The following LRBA variants were observed in gnomAD, a reference collection of about 807,000 sequenced individuals.
LRBA encodes LPS responsive beige-like anchor protein.
LRBA carries 176 observed loss-of-function variants against 330.0 expected under a neutral mutation model. The ratio of observed to expected loss-of-function variants is 0.53; its 90% confidence interval spans 0.47 to 0.60. The LOEUF (loss-of-function observed/expected upper bound fraction) is 0.60. LRBA is among the 20% of genes least tolerant of loss of function. LRBA has a pLI of 0.00. For missense variants in LRBA, 3,259 were observed against 3,444.8 expected, an observed-to-expected ratio of 0.95 and a Z score of 1.35; for synonymous variants, 1,230 against 1,193.0, an observed-to-expected ratio of 1.03 and a Z score of -0.64.
At chr4:150,325,197 G>A (rs970225245) in intron 49 of LRBA, among the ~76,000 whole-genome samples, 1 of 152,098 alleles carries the variant, frequency 6.6e-6, no homozygotes, top group Non-Finnish European at 1.5e-5. Flanking sequence ...AGAGAAGCCT[G>A]GCTACATCAG....
At chr4:150,781,100 C>T (rs979596522) in intron 34 of LRBA, among the ~76,000 whole-genome samples, 5 of 152,002 alleles carry the variant, frequency 3.3e-5, no homozygotes, top group Non-Finnish European at 7.4e-5. Flanking sequence ...AGGATGGTCT[C>T]GATCTCCTGA....
rs1042186932 is a variant in LRBA, at chr4:150,963,644, C to G, written c.217-34579G>C. The stretch of plus-strand genomic sequence containing the variant: ...GTGAGGAGCGTCTCTGCCTGGCCGC[C>G]CATCGTCTGGGATGCGAGGAGCCCC... On this transcript the variant is annotated intron_variant, in intron 2 of 56. Coordinates refer to ENST00000651943, the MANE Select transcript of LRBA (RefSeq NM_001364905.1). Among the ~76,000 whole-genome samples the G allele has an allele frequency of 5.4e-5, 8 of 149,160 alleles. 2 individuals are homozygous for G. Among genetic ancestry groups the G allele is most frequent in the African/African-American group, 2.1e-4 (8 of 38,588 alleles).
intron 5 of LRBA, among the ~76,000 whole-genome samples, chr4:150,919,981 G>C (rs1039463341): frequency 1.3e-5 from 2 of 148,646 alleles, no homozygotes; most frequent in Non-Finnish European, 3.0e-5. Flanking sequence ...GCTATGATAA[G>C]AAAGTAAAAT....
chr4:150,521,837 A>G (rs1453644863), intron 40 of LRBA, among the ~76,000 whole-genome samples: 1 of 152,228 alleles, frequency 6.6e-6, no homozygotes, highest in African/African-American at 2.4e-5. Context: ...TGATGTATCA[A>G]TCTCAATTAG....
intron 37 of LRBA, among the ~76,000 whole-genome samples, chr4:150,632,009 T>G (rs575615953): frequency 1.3e-5 from 2 of 152,170 alleles, no homozygotes; most frequent in South Asian, 4.1e-4. Context: ...GGCGGGTAGA[T>G]CATTTGAGGT....
chr4:150,803,792 T>G (rs1448078391), intron 33 of LRBA, among the ~76,000 whole-genome samples: 1 of 152,190 alleles, frequency 6.6e-6, no homozygotes, highest in African/African-American at 2.4e-5. Context: ...CTCAAATTTA[T>G]ACATGAGCAA....
At chr4:150,503,748 CTT>C in intron 40 of LRBA, among the ~76,000 whole-genome samples, 1 of 152,286 alleles carries the variant, frequency 6.6e-6, no homozygotes, top group East Asian at 1.9e-4. Flanking sequence ...CGGAGAATGA[CTT>C]TGACGAGTTG....
intron 37 of LRBA, among the ~76,000 whole-genome samples, chr4:150,622,391 T>G (rs1776381125): frequency 6.6e-6 from 1 of 152,158 alleles, no homozygotes; most frequent in South Asian, 2.1e-4. Flanking sequence ...TTATAAAAAG[T>G]AGCCACAATG....
At chr4:150,315,241 A>G (rs74459799) in intron 51 of LRBA, 4,542 of 386,828 alleles carry the variant, frequency 0.012, 37 homozygotes, top group Non-Finnish European at 0.016. Context: ...GCTCCTGCTC[A>G]TCAACAAGTC....
At chr4:150,996,526 G>A (rs1000423871) in intron 2 of LRBA, among the ~76,000 whole-genome samples, 2 of 152,070 alleles carry the variant, frequency 1.3e-5, no homozygotes, top group Non-Finnish European at 2.9e-5. Flanking sequence ...AAATTGACTG[G>A]TGGATATCTT....
chr4:150,357,461 G>A (rs1459418596), intron 47 of LRBA, among the ~76,000 whole-genome samples: 1 of 151,872 alleles, frequency 6.6e-6, no homozygotes, highest in Non-Finnish European at 1.5e-5. Flanking sequence ...ACAGAGAGAT[G>A]ATTTTTAAAA....
chr4:150,334,027 C>T (rs1413059040), intron 48 of LRBA, among the ~76,000 whole-genome samples: 1 of 152,022 alleles, frequency 6.6e-6, no homozygotes. Context: ...AACCAGACTC[C>T]CACTTAACCT....
intron 34 of LRBA, among the ~76,000 whole-genome samples, chr4:150,765,720 G>A (rs1735680663): frequency 6.6e-6 from 1 of 152,048 alleles, no homozygotes; most frequent in Admixed American, 6.5e-5. Context: ...GGATGAAATA[G>A]ATAACAGCAG....
At chr4:150,614,761 C>A (rs1344788540) in intron 37 of LRBA, among the ~76,000 whole-genome samples, 2 of 152,174 alleles carry the variant, frequency 1.3e-5, no homozygotes, top group Non-Finnish European at 2.9e-5. Flanking sequence ...CCAGAAAGGA[C>A]ATACATGTAA....
chr4:150,898,118 T>A (rs1036914928), intron 14 of LRBA, among the ~76,000 whole-genome samples: 1 of 152,062 alleles, frequency 6.6e-6, no homozygotes, highest in African/African-American at 2.4e-5. Flanking sequence ...AAATTTGTAT[T>A]CAATAATAAT....
chr4:150,898,531 T>C (rs575594019), intron 14 of LRBA, among the ~76,000 whole-genome samples: 1 of 152,170 alleles, frequency 6.6e-6, no homozygotes, highest in Non-Finnish European at 1.5e-5. Context: ...CCACCACTAA[T>C]CACTATTTAT....
Position 150,806,329 on chromosome 4 carries a change from A to G in LRBA, c.5460T>C (p.Pro1820=). 1 of 1,609,198 alleles carries G rather than the reference A, an allele frequency of 6.2e-7. No individual in the cohort carries two copies. Among genetic ancestry groups the G allele is most frequent in the East Asian group, 2.2e-5 (1 of 44,462 alleles). The stretch of plus-strand genomic sequence containing the variant: ...TACCCAAAAGTGTCCGAGAAAGAAA[A>G]GGTGCAAAATCCACAAAAATCTCAC... ...LLREIFVDFA[P]FLSRTLLGSH... is the part of the protein sequence containing the mutation. The change falls in exon 33 of 57, where the codon CCT becomes CCC. Residue 1820 remains proline (P), a synonymous_variant. Transcript: ENST00000651943.
At chr4:150,460,165 A>G (rs538673481) in intron 44 of LRBA, among the ~76,000 whole-genome samples, 1 of 151,850 alleles carries the variant, frequency 6.6e-6, no homozygotes, top group Non-Finnish European at 1.5e-5. Context: ...TTAAAACTTA[A>G]AGAGATAAAG....
chr4:150,707,872 A>G (rs933575902), intron 36 of LRBA, among the ~76,000 whole-genome samples: 5 of 151,854 alleles, frequency 3.3e-5, no homozygotes, highest in East Asian at 3.8e-4. Context: ...GGTCATTTAA[A>G]ATAAAAAAAT....
Sources: allele counts gnomAD v4.1 joint callset (sites outside exome capture counted in the v4.1 genomes callset), GRCh38; gene constraint gnomAD v4.1.1; transcripts MANE v1.5; gene names NCBI Gene and HGNC (gene_info 2026-07-23, HGNC 2026-07-21).